FBXL2: variants seen among roughly 807,000 people sequenced by gnomAD.
The protein encoded by FBXL2 is F-box/LRR-repeat protein 2.
Under a neutral mutation model 69.2 loss-of-function variants are expected in FBXL2, and 38 were observed. The ratio of observed to expected loss-of-function variants is 0.55; its 90% confidence interval spans 0.42 to 0.72. The LOEUF (loss-of-function observed/expected upper bound fraction) is 0.72, where lower values mean the gene tolerates loss of function less well. Among genes scored for constraint, FBXL2 ranks in the 30% least tolerant of loss-of-function variants. The probability of loss-of-function intolerance (pLI) is 0.00; values close to 1 mark genes in which losing one functional copy is unlikely to be tolerated. For synonymous variants in FBXL2, 192 were observed against 201.3 expected (o/e 0.95, Z 0.39); for missense variants, 354 against 520.3 (o/e 0.68, Z 3.11).
At chr3:33,349,731 GCTTTT>G (rs1434335320) in intron 2 of FBXL2, among the ~76,000 whole-genome samples, 3 of 152,060 alleles carry the variant, frequency 2.0e-5, no homozygotes, top group Admixed American at 1.3e-4. Flanking sequence ...GAAGTCCTGA[GCTTTT>G]CTTTACTTTA....
the FBXL2 span, among the ~76,000 whole-genome samples, chr3:33,422,375 TAAAA>T: frequency 1.3e-5 from 2 of 151,530 alleles, no homozygotes; most frequent in African/African-American, 4.9e-5. Flanking sequence ...ATCCTGTCTC[TAAAA>T]ACAAACAAAT....
In FBXL2 at chr3:33,386,806, T is replaced by A. The variant is rs1420554782; in HGVS notation, c.*1198T>A. ...ATATTTATGATCTTTATTAAGAACC[T>A]GTCAATCAGTCATCACCACCTTCAT... On this transcript the variant is annotated 3_prime_UTR_variant, in exon 15 of 15. Transcript: ENST00000484457. The A allele has an allele frequency of 6.6e-6, 1 of 151,746 alleles. No homozygotes were observed. Among genetic ancestry groups the A allele is most frequent in the African/African-American group, 2.4e-5 (1 of 41,274 alleles). The allele number at this position is 151,746 out of a possible 1,614,324, so 9.4% of individuals were successfully genotyped here.
the FBXL2 span, chr3:33,411,651 G>A: frequency 5.6e-6 from 9 of 1,613,954 alleles, no homozygotes; most frequent in Admixed American, 6.7e-5. Flanking sequence ...GCTTGGATTC[G>A]TCCTTGTGTC....
chr3:33,409,409 C>T, the FBXL2 span: 1 of 1,613,908 alleles, frequency 6.2e-7, no homozygotes, highest in Non-Finnish European at 8.5e-7. Context: ...ACAGGCAAAA[C>T]TGAGCCTTAA....
intron 12 of FBXL2, 88 bp downstream of exon 12, chr3:33,378,235 A>G (rs2154050538): frequency 1.5e-6 from 2 of 1,328,776 alleles, no homozygotes; most frequent in South Asian, 1.2e-5. Context: ...CTGACTCGCT[A>G]TCATCCTGAC....
intron 1 of FBXL2, among the ~76,000 whole-genome samples, chr3:33,288,698 G>T (rs557028274): frequency 2.8e-4 from 42 of 152,294 alleles, no homozygotes; most frequent in Non-Finnish European, 4.9e-4. Flanking sequence ...AGTAAGAGAG[G>T]GTAGTGTGGT....
intron 2 of FBXL2, chr3:33,317,445 C>G (rs779028276): frequency 1.5e-5 from 7 of 456,416 alleles, no homozygotes; most frequent in Non-Finnish European, 3.1e-5. Flanking sequence ...TTGTTACTCT[C>G]CCTCAACTAC....
upstream of FBXL2, chr3:33,277,381 G>T (rs13076752): frequency 3.9e-5 from 39 of 1,005,620 alleles, no homozygotes; most frequent in Non-Finnish European, 4.2e-5. Flanking sequence ...TCACGTGCTC[G>T]CCGACCACCA....
chr3:33,416,701 C>A, the FBXL2 span: 2 of 1,331,414 alleles, frequency 1.5e-6, no homozygotes, highest in African/African-American at 1.5e-5. Flanking sequence ...TTTTTTTAAA[C>A]AAAAACTCAT....
At chr3:33,367,149 G>A (rs534188669) in intron 5 of FBXL2, among the ~76,000 whole-genome samples, 31 of 151,846 alleles carry the variant, frequency 2.0e-4, no homozygotes, top group Non-Finnish European at 3.4e-4. Flanking sequence ...AGGCTGGAGT[G>A]CAATGGCACA....
At position 33,393,472 on chromosome 3, in the gene FBXL2, A is replaced by G. The variant is rs138250969; in HGVS notation, n.1214+7744A>G. The G allele has an allele frequency of 4.3e-5, 69 of 1,595,218 alleles. No individual in the cohort carries two copies. In the East Asian group the frequency reaches 1.4e-3, roughly 33 times the overall value. Reference sequence around the variant, plus strand: ...ATGATAAACTGAAATTAAAAAAAAAAAAAGAAAAGCATTTTAACAGTAATC... The same window carrying G: ...ATGATAAACTGAAATTAAAAAAAAAGAAAGAAAAGCATTTTAACAGTAATC... On this transcript the variant is annotated intron_variant and non_coding_transcript_variant, in intron 12 of 12. Coordinates refer to the FBXL2 transcript ENST00000463736.
chr3:33,306,544 T>C (rs1039414537), intron 2 of FBXL2, among the ~76,000 whole-genome samples: 2 of 152,150 alleles, frequency 1.3e-5, no homozygotes, highest in African/African-American at 2.4e-5. Flanking sequence ...ATCTTTGAAG[T>C]CTCAGTTAAT....
chr3:33,358,024 C>T (rs1234870375), intron 2 of FBXL2, among the ~76,000 whole-genome samples: 1 of 152,058 alleles, frequency 6.6e-6, no homozygotes, highest in Non-Finnish European at 1.5e-5. Context: ...TCCCTGAGTC[C>T]GTGGATTTTT....
the FBXL2 span, chr3:33,409,605 T>C: frequency 1.2e-6 from 2 of 1,614,160 alleles, no homozygotes; most frequent in Admixed American, 1.7e-5. Context: ...AGTGTACCTA[T>C]AAAACGATTC....
chr3:33,418,675 A>G, the FBXL2 span, among the ~76,000 whole-genome samples: 3 of 151,720 alleles, frequency 2.0e-5, no homozygotes, highest in African/African-American at 7.3e-5. Flanking sequence ...CCTGACCAAC[A>G]TGGAGAAACC....
In FBXL2 at chr3:33,279,362, C is replaced by T. The variant is rs576623946; in HGVS notation, c.3+1847C>T. 5.3e-5 allele frequency among the ~76,000 whole-genome samples: 8 copies of T among 152,218 alleles called. No individual in the cohort carries two copies. The South Asian group carries it at 1.2e-3, about 24-fold the overall frequency. ...CTCGGCTCACTGCAAGCTCCGCCTC[C>T]CGGGTACACGCCATTCTCCTGCCTC... On this transcript the variant is annotated intron_variant, in intron 1 of 14. Coordinates refer to ENST00000484457, the MANE Select transcript of FBXL2 (RefSeq NM_012157.5).
In FBXL2 at chr3:33,341,346, G is replaced by A. The variant is rs138510311; in HGVS notation, c.66-17621G>A. ...GATTTCTTCAACAAATAACTTGCATGGGGGAGAAAGAAGGGATGGAAGGAG... is the reference window on the plus strand; with the variant it reads ...GATTTCTTCAACAAATAACTTGCATAGGGGAGAAAGAAGGGATGGAAGGAG... On this transcript the variant is annotated intron_variant, in intron 2 of 14. Coordinates refer to ENST00000484457, the MANE Select transcript of FBXL2 (RefSeq NM_012157.5). Among the ~76,000 whole-genome samples, 294 of 152,262 alleles carry A rather than the reference G, an allele frequency of 1.9e-3. 1 individual carries two copies. The highest frequency in any genetic ancestry group is 6.8e-3 in the African/African-American group (284 of 41,568).
chr3:33,378,798 C>G, intron 13 of FBXL2, 57 bp downstream of exon 13: 4 of 1,613,782 alleles, frequency 2.5e-6, no homozygotes, highest in Non-Finnish European at 2.5e-6. Context: ...AGCCCTCCCA[C>G]CACAACAAGA....
At chr3:33,302,774 G>C (rs951298208) in intron 2 of FBXL2, among the ~76,000 whole-genome samples, 7 of 152,128 alleles carry the variant, frequency 4.6e-5, no homozygotes, top group Admixed American at 4.6e-4. Flanking sequence ...CCAAATGAGG[G>C]ATTTGAGCCT....
Sources: gnomAD v4.1 joint callset for allele counts (sites outside exome capture counted in the v4.1 genomes callset) on GRCh38, gnomAD v4.1.1 for gene constraint, MANE v1.5 for transcripts, NCBI Gene and HGNC (gene_info 2026-07-23, HGNC 2026-07-21) for gene names.